DST: variants seen among roughly 807,000 people sequenced by gnomAD.
The protein encoded by DST is dystonin, also known as bullous pemphigoid antigen.
Under a neutral mutation model 875.2 loss-of-function variants are expected in DST, and 253 were observed. That is an observed-to-expected ratio of 0.29 (90% CI 0.26 to 0.32). The LOEUF is 0.32. Among genes scored for constraint, DST ranks in the 10% least tolerant of loss-of-function variants. The probability of loss-of-function intolerance (pLI) is 1.00; values close to 1 mark genes in which losing one functional copy is unlikely to be tolerated. For synonymous variants in DST, 3,124 were observed against 3,197.1 expected (o/e 0.98, Z 0.77); for missense variants, 8,287 against 9,111.6 (o/e 0.91, Z 3.68).
In DST at chr6:56,553,271, T is replaced by C; in HGVS notation, c.15521A>G (p.Gln5174Arg). ...TATCCATGGCCAGAGAGTCTCTACT[T>C]GCTCTTTATACTTAAGGGCTTTTTC... ...SLEKALKYKE[Q>R]VETLWPWIDK... The change falls in exon 61 of 104, where the codon CAA (glutamine) becomes CGA (arginine). Residue 5174 changes from glutamine (Q) to arginine (R), a missense_variant. Transcript: ENST00000680361. 1.9e-6 allele frequency: 3 copies of C among 1,613,816 alleles called. No homozygotes were observed. Among genetic ancestry groups the C allele is most frequent in the Non-Finnish European group, 2.5e-6 (3 of 1,179,894 alleles).
At chr6:56,601,962 G>A in intron 43 of DST, 1 of 437,198 alleles carries the variant, frequency 2.3e-6, no homozygotes, top group Non-Finnish European at 4.2e-6. Context: ...CTGACAAAAG[G>A]CAAAGACCTA....
rs144970206 is a variant in DST at position 56,812,649 on chromosome 6, T to C, written c.625+38748A>G. Reference sequence around the variant, plus strand: ...TTATTGAAAATCTCAAATTCTGCCATAAAACACTGGAATAAAACAGTCTTG... The same window carrying C: ...TTATTGAAAATCTCAAATTCTGCCACAAAACACTGGAATAAAACAGTCTTG... On this transcript the variant is annotated intron_variant, in intron 4 of 103. Transcript: ENST00000680361. Among the ~76,000 whole-genome samples the C allele has an allele frequency of 3.4e-3, 517 of 152,324 alleles. 4 individuals are homozygous for C. The highest frequency in any genetic ancestry group is 0.012 in the African/African-American group (502 of 41,564).
chr6:56,829,090 T>C (rs1019282991), intron 4 of DST, among the ~76,000 whole-genome samples: 1 of 152,076 alleles, frequency 6.6e-6, no homozygotes, highest in African/African-American at 2.4e-5. Context: ...TAAAGTGGAA[T>C]TAAAAGTACT....
intron 4 of DST, among the ~76,000 whole-genome samples, chr6:56,802,013 G>A (rs987499521): frequency 1.3e-5 from 2 of 152,096 alleles, no homozygotes; most frequent in Non-Finnish European, 2.9e-5. Flanking sequence ...GCCTCCCAAA[G>A]TGCTGGGATT....
intron 80 of DST, 65 bp downstream of exon 80, chr6:56,501,015 C>A: frequency 1.3e-6 from 2 of 1,490,920 alleles, no homozygotes; most frequent in African/African-American, 1.4e-5. Context: ...GAAATATATC[C>A]AAGAAATCTG....
chr6:56,859,484 C>T (rs1199404727), intron 3 of DST, among the ~76,000 whole-genome samples: 1 of 152,102 alleles, frequency 6.6e-6, no homozygotes, highest in Non-Finnish European at 1.5e-5. Context: ...TGAGTATCTA[C>T]AAATAGTCTT....
chr6:56,518,479 A>AT (rs11455870), intron 69 of DST, among the ~76,000 whole-genome samples: 101,823 of 152,002 alleles, frequency 0.67, 34,630 homozygotes, highest in East Asian at 0.8. Context: ...TTTAAATGTG[A>AT]TTTTCAAATA....
chr6:56,953,841 G>A, intron 1 of DST, 22 bp from the exon 2 acceptor site: 1 of 1,308,642 alleles, frequency 7.6e-7, no homozygotes, highest in Non-Finnish European at 1.0e-6. Context: ...AGAGATAAAT[G>A]AGACTTCATT....
chr6:56,672,030 A>C (rs1179305296), intron 9 of DST, among the ~76,000 whole-genome samples: 1 of 152,228 alleles, frequency 6.6e-6, no homozygotes. Flanking sequence ...ACAACACAGA[A>C]GGTCACAATA....
chr6:56,929,142 C>A (rs1808791949), intron 2 of DST, among the ~76,000 whole-genome samples: 1 of 151,996 alleles, frequency 6.6e-6, no homozygotes, highest in Admixed American at 6.6e-5. Flanking sequence ...TTAAAATAAA[C>A]CATTGTAAAT....
chr6:56,944,365 A>C (rs984381827), intron 2 of DST, among the ~76,000 whole-genome samples: 54 of 152,204 alleles, frequency 3.5e-4, no homozygotes, highest in Admixed American at 2.4e-3. Flanking sequence ...CAAAAAAAAA[A>C]CACTAAATTG....
intron 4 of DST, among the ~76,000 whole-genome samples, chr6:56,744,446 C>T (rs1382971073): frequency 6.6e-6 from 1 of 151,242 alleles, no homozygotes; most frequent in East Asian, 1.9e-4. Context: ...GAAGAAAGGA[C>T]GCTAGTCAGT....
Position 56,852,677 on chromosome 6 carries a change from G to A in DST, c.418-1073C>T, listed in dbSNP as rs1336596597. On this transcript the variant is annotated intron_variant, in intron 3 of 103. Coordinates refer to ENST00000680361, the MANE Select transcript of DST (RefSeq NM_001374736.1). ...TCTGCTGCAAAATTATAAACATAAC[G>A]ACATATCAAAAGGAAGTCTTGACTT... Among the ~76,000 whole-genome samples, 4 of 152,158 alleles carry A rather than the reference G, an allele frequency of 2.6e-5. No individual in the cohort carries two copies. In the East Asian group the frequency reaches 5.8e-4, roughly 22 times the overall value.
chr6:56,594,817 A>C (rs76766741), intron 47 of DST, among the ~76,000 whole-genome samples: 7,044 of 152,296 alleles, frequency 0.046, 249 homozygotes, highest in East Asian at 0.14. Flanking sequence ...TAACTCCTAC[A>C]CATCACAGGT....
At chr6:56,629,668 A>G (rs1419683542) in intron 31 of DST, among the ~76,000 whole-genome samples, 1 of 152,190 alleles carries the variant, frequency 6.6e-6, no homozygotes, top group African/African-American at 2.4e-5. Context: ...CAGCCTAATA[A>G]AATTTGCATA....
intron 95 of DST, 142 bp downstream of exon 95, chr6:56,470,964 A>AT (rs541099292): frequency 2.3e-6 from 2 of 853,406 alleles, no homozygotes. Context: ...CCAAAAAAAC[A>AT]TTTTTTTAAG....
chr6:56,822,990 T>C (rs1002952992), intron 4 of DST, among the ~76,000 whole-genome samples: 3 of 151,462 alleles, frequency 2.0e-5, no homozygotes, highest in African/African-American at 7.3e-5. Context: ...CTACCAAGCC[T>C]GGCTAATTTT....
intron 10 of DST, among the ~76,000 whole-genome samples, chr6:56,656,037 G>A (rs138086166): frequency 6.6e-5 from 10 of 152,294 alleles, no homozygotes; most frequent in African/African-American, 2.4e-4. Context: ...ATGGGGACTG[G>A]GACATATCAG....
intron 27 of DST, 130 bp downstream of exon 27, chr6:56,634,002 G>A (rs2098805906): frequency 9.3e-7 from 1 of 1,080,614 alleles, no homozygotes; most frequent in South Asian, 1.3e-5. Flanking sequence ...AATATTCATT[G>A]AATAAATGAA....
Sources: allele counts gnomAD v4.1 joint callset (sites outside exome capture counted in the v4.1 genomes callset), GRCh38; gene constraint gnomAD v4.1.1; transcripts MANE v1.5; gene names NCBI Gene and HGNC (gene_info 2026-07-23, HGNC 2026-07-21).